The following CPN1 variants were observed in gnomAD, a reference collection of about 807,000 sequenced individuals.
CPN1 encodes the protein carboxypeptidase N catalytic chain.
CPN1 carries 37 observed loss-of-function variants against 46.4 expected under a neutral mutation model. That is an observed-to-expected ratio of 0.80 (90% CI 0.61 to 1.05). The LOEUF is 1.05. CPN1 is among the 50% of genes least tolerant of loss of function. The probability of loss-of-function intolerance (pLI) is 0.00; values close to 1 mark genes in which losing one functional copy is unlikely to be tolerated. For missense variants in CPN1, 563 were observed against 602.6 expected (o/e 0.93, Z 0.69); for synonymous variants, 224 against 235.4 (o/e 0.95, Z 0.44).
chr10:100,055,351 C>G lies in CPN1; in HGVS notation c.1012-905G>C, dbSNP rs569407127. Among the ~76,000 whole-genome samples, 13 of 147,374 alleles carry G rather than the reference C, an allele frequency of 8.8e-5. 1 individual carries two copies. Among genetic ancestry groups the G allele is most frequent in the Admixed American group, 4.8e-4 (7 of 14,716 alleles). On this transcript the variant is annotated intron_variant, in intron 6 of 8. Coordinates refer to ENST00000370418, the MANE Select transcript of CPN1 (RefSeq NM_001308.3). ...TATTAAACAATGATTCTCCATTATCCCCCCCCCCAGCCCCTGGCAACCACC... is the reference window on the plus strand; with the variant it reads ...TATTAAACAATGATTCTCCATTATCGCCCCCCCCAGCCCCTGGCAACCACC...
At position 100,042,434 on chromosome 10, in the gene CPN1, G is replaced by C. The variant is rs1231792698; in HGVS notation, c.1370C>G (p.Pro457Arg). The change falls in exon 9 of 9, where the codon CCT (proline) becomes CGT (arginine). Residue 457 changes from proline to arginine, a missense_variant. Physicochemically the swap from Pro to Arg is moderately radical, Grantham distance 103. Coordinates refer to ENST00000370418, the MANE Select transcript of CPN1 (RefSeq NM_001308.3). ...TGCCTGGCACTGTGGGTTTCAGGCA[G>C]GGCCTCTCTGCAGCTGCCTCATCTC... ...EMEMRQLQRG[P>R]A The C allele has an allele frequency of 6.2e-7, 1 of 1,613,042 alleles. No individual in the cohort carries two copies. The highest frequency in any genetic ancestry group is 1.7e-5 in the Admixed American group (1 of 59,988).
At chr10:100,072,746 A>G (rs1413984674) in intron 2 of CPN1, among the ~76,000 whole-genome samples, 1 of 152,230 alleles carries the variant, frequency 6.6e-6, no homozygotes. Flanking sequence ...GAAAGAGATA[A>G]GTGAGACATT....
chr10:100,066,956 G>A (rs187425863), intron 3 of CPN1, among the ~76,000 whole-genome samples: 54 of 152,306 alleles, frequency 3.5e-4, no homozygotes, highest in African/African-American at 1.3e-3. Flanking sequence ...CATCAGGAGC[G>A]AGGGAAACCT....
rs2041279208 is a variant in CPN1, at chr10:100,042,330, T to C, written c.*97A>G. On this transcript the variant is annotated 3_prime_UTR_variant, in exon 9 of 9. Transcript: ENST00000370418. ...CTGAATTGTTCTGAATATGTTTGTA[T>C]TTAAATATGTCCCAGATAATAAAAT... 1 of 1,503,120 alleles carries C rather than the reference T, an allele frequency of 6.7e-7. No homozygotes were observed. The allele number at this position is 1,503,120 out of a possible 1,614,324, so 93.1% of individuals were successfully genotyped here. A position where few individuals can be genotyped will look rare whatever the true frequency, so the allele number is the denominator to read the frequency against.
intron 5 of CPN1, among the ~76,000 whole-genome samples, chr10:100,059,982 G>T (rs2041407519): frequency 6.6e-6 from 1 of 152,126 alleles, no homozygotes; most frequent in African/African-American, 2.4e-5. Context: ...GTGAAATAAG[G>T]CATTCACAAA....
chr10:100,042,663 T>C, intron 8 of CPN1, 90 bp from the exon 9 acceptor site: 1 of 1,535,676 alleles, frequency 6.5e-7, no homozygotes, highest in South Asian at 1.1e-5. Context: ...TAGGGAAAAT[T>C]ATTATAGCAG....
chr10:100,063,753 C>A (rs777088266), intron 4 of CPN1, 28 bp from the exon 5 acceptor site: 1 of 1,552,122 alleles, frequency 6.4e-7, no homozygotes, highest in Non-Finnish European at 8.9e-7. Context: ...GGAAAACGAC[C>A]TTGATGATTC....
chr10:100,060,022 T>A (rs374905563), intron 5 of CPN1, among the ~76,000 whole-genome samples: 1 of 152,126 alleles, frequency 6.6e-6, no homozygotes, highest in African/African-American at 2.4e-5. Flanking sequence ...CCCACTTATA[T>A]GAGGTACTTA....
At chr10:100,066,827 G>A (rs950345021) in intron 3 of CPN1, among the ~76,000 whole-genome samples, 3 of 152,102 alleles carry the variant, frequency 2.0e-5, no homozygotes, top group East Asian at 1.9e-4. Context: ...TAATTGCGAG[G>A]GCACCAGTCT....
chr10:100,070,470 A>G (rs2041477671), intron 2 of CPN1, among the ~76,000 whole-genome samples: 1 of 152,132 alleles, frequency 6.6e-6, no homozygotes, highest in Non-Finnish European at 1.5e-5. Context: ...TGACAGAGCA[A>G]GGCTCTGTCT....
At chr10:100,068,866 G>GT (rs34633631) in intron 3 of CPN1, among the ~76,000 whole-genome samples, 39,023 of 152,036 alleles carry the variant, frequency 0.26, 6,215 homozygotes, top group Non-Finnish European at 0.36. Context: ...CTAATTGTTG[G>GT]TAAGCACACA....
intron 3 of CPN1, among the ~76,000 whole-genome samples, chr10:100,069,392 A>G (rs1462021632): frequency 2.6e-5 from 4 of 151,880 alleles, no homozygotes; most frequent in African/African-American, 9.7e-5. Context: ...GAGGCAGGAG[A>G]ATCTCTTGGA....
intron 5 of CPN1, among the ~76,000 whole-genome samples, chr10:100,058,283 G>T (rs2041396691): frequency 6.6e-6 from 1 of 152,048 alleles, no homozygotes; most frequent in African/African-American, 2.4e-5. Flanking sequence ...GTTTTTAAAA[G>T]AATAGATTTT....
chr10:100,081,280 G>T, intron 1 of CPN1, 123 bp downstream of exon 1: 2 of 840,808 alleles, frequency 2.4e-6, no homozygotes, highest in South Asian at 1.4e-5. Flanking sequence ...AGCACAGGCT[G>T]AGAAAGAGAT....
In CPN1 at chr10:100,042,557, T is replaced by C; in HGVS notation, c.1247A>G (p.Lys416Arg). The change falls in exon 9 of 9, where the codon AAA (lysine) becomes AGA (arginine). Residue 416 changes from lysine (K) to arginine (R), a missense_variant. By Grantham distance (26) the Lys-to-Arg change is conservative (BLOSUM62 2). Coordinates refer to ENST00000370418, the MANE Select transcript of CPN1 (RefSeq NM_001308.3). ...AEPTLVNFHL[K>R]RSIPQVSPVR... ...AGGGCTTACTTGAGGGATGCTTCTTTTGAGGTGGAAGTTAACCTGGAAGAA... is the reference window on the plus strand; with the variant it reads ...AGGGCTTACTTGAGGGATGCTTCTTCTGAGGTGGAAGTTAACCTGGAAGAA... 1.9e-6 allele frequency: 3 copies of C among 1,613,982 alleles called. No homozygotes were observed. Among genetic ancestry groups the C allele is most frequent in the Non-Finnish European group, 2.5e-6 (3 of 1,180,018 alleles).
chr10:100,057,823 T>C (rs2041394099), intron 5 of CPN1, among the ~76,000 whole-genome samples: 1 of 152,190 alleles, frequency 6.6e-6, no homozygotes, highest in African/African-American at 2.4e-5. Flanking sequence ...GGTATTTAGC[T>C]GTGGCATTTC....
At chr10:100,048,610 G>A (rs1379785834) in intron 8 of CPN1, 148 bp downstream of exon 8, 7 of 713,470 alleles carry the variant, frequency 9.8e-6, no homozygotes, top group Non-Finnish European at 1.6e-5. Flanking sequence ...TAGGCGGCAG[G>A]ATTGCTTCGG....
chr10:100,064,578 G>A (rs1446626066), intron 4 of CPN1, among the ~76,000 whole-genome samples: 2 of 151,520 alleles, frequency 1.3e-5, no homozygotes, highest in East Asian at 1.9e-4. Context: ...ACAGTGTTTC[G>A]CCATGTTGGG....
At chr10:100,077,427 C>T (rs768831409) in intron 1 of CPN1, among the ~76,000 whole-genome samples, 1 of 152,046 alleles carries the variant, frequency 6.6e-6, no homozygotes, top group Non-Finnish European at 1.5e-5. Context: ...GACAGGGTTT[C>T]ACCATGTTGG....
Sources: allele counts gnomAD v4.1 joint callset (sites outside exome capture counted in the v4.1 genomes callset), GRCh38; gene constraint gnomAD v4.1.1; transcripts MANE v1.5; gene names NCBI Gene and HGNC (gene_info 2026-07-23, HGNC 2026-07-21).